Variants in GPR26 observed in about 807,000 individuals in gnomAD.
GPR26 encodes G protein-coupled receptor 26.
GPR26 carries 15 observed loss-of-function variants against 23.1 expected under a neutral mutation model. That is an observed-to-expected ratio of 0.65 (90% CI 0.43 to 1.00). The LOEUF is 1.00. Ranked by LOEUF, GPR26 falls within the 50% of genes least tolerant of loss-of-function variation. The probability of loss-of-function intolerance (pLI) is 0.00; values close to 1 mark genes in which losing one functional copy is unlikely to be tolerated. For synonymous variants in GPR26, 228 were observed against 222.1 expected, an observed-to-expected ratio of 1.03 and a Z score of -0.24; for missense variants, 359 against 470.5, an observed-to-expected ratio of 0.76 and a Z score of 2.19.
Position 123,690,218 on chromosome 10 carries a change from G to A in GPR26, c.*2058G>A, listed in dbSNP as rs1845477226. On this transcript the variant is annotated 3_prime_UTR_variant, in exon 3 of 3. Coordinates refer to ENST00000284674, the MANE Select transcript of GPR26 (RefSeq NM_153442.4). ...CACCCTCCAACATCCCAACCCCAGA[G>A]GAACCAGTGGGATTGAAAACCAGCA... 1 of 152,148 alleles carries A rather than the reference G, an allele frequency of 6.6e-6. No homozygotes were observed. The allele number at this position is 152,148 out of a possible 1,614,324, so 9.4% of individuals were successfully genotyped here. A position where few individuals can be genotyped will look rare whatever the true frequency, so the allele number is the denominator to read the frequency against.
intron 1 of GPR26, among the ~76,000 whole-genome samples, chr10:123,670,610 G>A (rs536807819): frequency 5.8e-4 from 88 of 152,254 alleles, no homozygotes; most frequent in East Asian, 1.9e-4. Context: ...TGGGAGAGCC[G>A]AGCTGGCCCA....
At chr10:123,682,444 G>A (rs1845388188) in intron 2 of GPR26, among the ~76,000 whole-genome samples, 2 of 152,184 alleles carry the variant, frequency 1.3e-5, no homozygotes, top group African/African-American at 4.8e-5. Context: ...ACTCTTAATA[G>A]AAGTCTGACA....
At chr10:123,687,858 GC>G in intron 2 of GPR26, 70 bp from the exon 3 acceptor site, 2 of 1,044,322 alleles carry the variant, frequency 1.9e-6, no homozygotes, top group South Asian at 1.3e-5. Flanking sequence ...GCACAGACAG[GC>G]CCTGGCCCAT....
chr10:123,678,484 G>A lies in GPR26; in HGVS notation c.782+3553G>A, dbSNP rs141242748. ...GTCAAATCAGTGTCTTCCTCCTTGG[G>A]GTCAGGAGGCCTGAAGGGAGGAGAC... On this transcript the variant is annotated intron_variant, in intron 2 of 2. Transcript: ENST00000284674. 4.0e-3 allele frequency among the ~76,000 whole-genome samples: 606 copies of A among 152,312 alleles called. 6 individuals are homozygous for A. The highest frequency in any genetic ancestry group is 6.2e-3 in the Non-Finnish European group (422 of 68,026).
At position 123,696,407 on chromosome 10, in the gene GPR26, C is replaced by T. The variant is rs1424839771; in HGVS notation, c.*8247C>T. On this transcript the variant is annotated 3_prime_UTR_variant, in exon 3 of 3. Coordinates refer to ENST00000284674, the MANE Select transcript of GPR26 (RefSeq NM_153442.4). ...TTCATAGATTCTATTTTTTTCATGTCTGTGAAAAGTGGGGTGGGGAACTCA... is the reference window on the plus strand; with the variant it reads ...TTCATAGATTCTATTTTTTTCATGTTTGTGAAAAGTGGGGTGGGGAACTCA... Among the ~76,000 whole-genome samples, 3 of 151,972 alleles carry T rather than the reference C, an allele frequency of 2.0e-5. No individual in the cohort carries two copies. The highest frequency in any genetic ancestry group is 2.4e-5 in the African/African-American group (1 of 41,366).
chr10:123,676,310 A>G (rs1845309679), intron 2 of GPR26, among the ~76,000 whole-genome samples: 1 of 152,040 alleles, frequency 6.6e-6, no homozygotes, highest in South Asian at 2.1e-4. Flanking sequence ...AGGTCTCTGG[A>G]TGGGTCTGAC....
intron 1 of GPR26, among the ~76,000 whole-genome samples, chr10:123,667,303 T>A (rs918930660): frequency 6.6e-6 from 1 of 152,178 alleles, no homozygotes; most frequent in Non-Finnish European, 1.5e-5. Flanking sequence ...TTTTGAAGCA[T>A]CAGGGTAGAA....
rs770604343 is a variant in GPR26, at chr10:123,667,001, G to A, written c.594G>A (p.Val198=). 4 of 1,612,680 alleles carry A rather than the reference G, an allele frequency of 2.5e-6. No individual in the cohort carries two copies. The East Asian group carries it at 8.9e-5, about 36-fold the overall frequency. ...GCACGTACCTCAAGGTGCTCAAGGTGGCCCGCTTCCATTGCAAGCGCATCG... is the reference window on the plus strand; with the variant it reads ...GCACGTACCTCAAGGTGCTCAAGGTAGCCCGCTTCCATTGCAAGCGCATCG... The part of the protein sequence containing the change: ...LCCTYLKVLK[V]ARFHCKRIDV... The change falls in exon 1 of 3, where the codon GTG becomes GTA. Residue 198 remains valine (V), a synonymous_variant. Transcript: ENST00000284674.
Position 123,688,867 on chromosome 10 carries a change from T to G in GPR26, c.*707T>G, listed in dbSNP as rs1845459791. On this transcript the variant is annotated 3_prime_UTR_variant, in exon 3 of 3. Coordinates refer to ENST00000284674, the MANE Select transcript of GPR26 (RefSeq NM_153442.4). ...TTTGTGTGTGCAGACAATCTTAGCA[T>G]GAAAATGGTTTAAATAGGCTGGTCC... The G allele has an allele frequency of 6.6e-6, 1 of 152,658 alleles. No individual in the cohort carries two copies. Among genetic ancestry groups the G allele is most frequent in the South Asian group, 2.1e-4 (1 of 4,840 alleles). 9.5% of individuals were successfully genotyped at this position (152,658 alleles called of 1,614,324 possible). A position where few individuals can be genotyped will look rare whatever the true frequency, so the allele number is the denominator to read the frequency against.
At chr10:123,683,894 C>T (rs189612733) in intron 2 of GPR26, among the ~76,000 whole-genome samples, 1 of 152,312 alleles carries the variant, frequency 6.6e-6, no homozygotes, top group East Asian at 1.9e-4. Context: ...CATCCACAAG[C>T]TCTGCGCCCT....
chr10:123,668,119 C>T (rs185977383), intron 1 of GPR26, among the ~76,000 whole-genome samples: 4 of 152,092 alleles, frequency 2.6e-5, no homozygotes, highest in Admixed American at 6.5e-5. Flanking sequence ...GAGGGCCTTC[C>T]GTGTGGGAGA....
At position 123,669,829 on chromosome 10, in the gene GPR26, G is replaced by A. The variant is rs1159758819; in HGVS notation, c.668+2754G>A. Among the ~76,000 whole-genome samples the A allele has an allele frequency of 2.0e-5, 3 of 152,182 alleles. No individual in the cohort carries two copies. In the East Asian group the frequency reaches 5.8e-4, roughly 29 times the overall value. Reference sequence around the variant, plus strand: ...GGACCCTGGCCCTGGGAAGCATTCCGCACTCCTGCCTTTCTGTGGTGATTT... The same window carrying A: ...GGACCCTGGCCCTGGGAAGCATTCCACACTCCTGCCTTTCTGTGGTGATTT... On this transcript the variant is annotated intron_variant, in intron 1 of 2. Transcript: ENST00000284674.
At chr10:123,675,021 C>A in intron 2 of GPR26, 90 bp downstream of exon 2, 1 of 759,748 alleles carries the variant, frequency 1.3e-6, no homozygotes. Flanking sequence ...CTTGGCCACA[C>A]GTTCTTCTGC....
intron 2 of GPR26, among the ~76,000 whole-genome samples, chr10:123,675,819 C>CGT (rs1176442924): frequency 4.8e-4 from 8 of 16,680 alleles, no homozygotes; most frequent in African/African-American, 1.2e-3. Context: ...TGTGTGTGTA[C>CGT]GTGTGTGTGT....
Position 123,687,921 on chromosome 10 carries a change from C to G in GPR26, c.783-8C>G. ...GTCCTCATTAACAGCTTCCCTGTCT[C>G]TCCACAGGCTAGTGGAGCTCTTCTC... On this transcript the variant is annotated splice_polypyrimidine_tract_variant and splice_region_variant and intron_variant, in intron 2 of 2. Transcript: ENST00000284674. The G allele has an allele frequency of 6.3e-7, 1 of 1,585,278 alleles. No individual in the cohort carries two copies. Among genetic ancestry groups the G allele is most frequent in the Non-Finnish European group, 8.7e-7 (1 of 1,154,120 alleles).
chr10:123,679,745 G>A (rs1845348075), intron 2 of GPR26, among the ~76,000 whole-genome samples: 1 of 152,126 alleles, frequency 6.6e-6, no homozygotes, highest in South Asian at 2.1e-4. Context: ...TGCAGACCCA[G>A]GTCTCCCCTT....
intron 1 of GPR26, among the ~76,000 whole-genome samples, chr10:123,673,234 A>G (rs991185936): frequency 2.0e-4 from 30 of 152,224 alleles, no homozygotes; most frequent in African/African-American, 7.0e-4. Flanking sequence ...GTCTAAACTA[A>G]TGTGAAATTG....
At chr10:123,669,210 A>G (rs1203449151) in intron 1 of GPR26, among the ~76,000 whole-genome samples, 1 of 152,184 alleles carries the variant, frequency 6.6e-6, no homozygotes, top group East Asian at 1.9e-4. Context: ...TCCCTGGACT[A>G]ATGCTCCCTG....
chr10:123,672,016 G>A (rs1017640405), intron 1 of GPR26, among the ~76,000 whole-genome samples: 1 of 152,162 alleles, frequency 6.6e-6, no homozygotes, highest in East Asian at 1.9e-4. Flanking sequence ...CAAGAGGGCC[G>A]TGATGTTTCC....
Sources: gnomAD v4.1 joint callset for allele counts (sites outside exome capture counted in the v4.1 genomes callset) on GRCh38, gnomAD v4.1.1 for gene constraint, MANE v1.5 for transcripts, NCBI Gene and HGNC (gene_info 2026-07-23, HGNC 2026-07-21) for gene names.